SCN3B: variants seen among roughly 807,000 people sequenced by gnomAD.
The protein encoded by SCN3B is sodium channel regulatory subunit beta-3.
A neutral mutation model predicts 25.4 loss-of-function variants in SCN3B; 11 were observed. The ratio of observed to expected loss-of-function variants is 0.43; its 90% CI spans 0.27 to 0.72. The LOEUF (loss-of-function observed/expected upper bound fraction) is 0.72. Among genes scored for constraint, SCN3B ranks in the 30% least tolerant of loss-of-function variants. SCN3B has a pLI of 0.18. For missense variants in SCN3B, 218 were observed against 278.3 expected (o/e 0.78, Z 1.54); for synonymous variants, 109 against 110.7 (o/e 0.99, Z 0.09).
At chr11:123,650,521 G>C (rs1190742662) in intron 2 of SCN3B, among the ~76,000 whole-genome samples, 1 of 152,188 alleles carries the variant, frequency 6.6e-6, no homozygotes, top group South Asian at 2.1e-4. Flanking sequence ...ACCAGGGGAA[G>C]AGAGGAAAAC....
chr11:123,640,006 T>C (rs1176691210), intron 4 of SCN3B: 2 of 152,220 alleles, frequency 1.3e-5, no homozygotes, highest in Non-Finnish European at 2.9e-5. Flanking sequence ...TGATCTGCAG[T>C]TATCCATTGG....
intron 2 of SCN3B, among the ~76,000 whole-genome samples, chr11:123,653,159 A>AAAAAAG (rs370808674): frequency 1.3e-5 from 2 of 152,080 alleles, no homozygotes; most frequent in African/African-American, 4.8e-5. Context: ...ACCAAAAAAA[A>AAAAAAG]AAGAAGAAGA....
intron 2 of SCN3B, among the ~76,000 whole-genome samples, chr11:123,649,559 C>T (rs1336963832): frequency 6.6e-6 from 1 of 152,320 alleles, no homozygotes; most frequent in East Asian, 1.9e-4. Flanking sequence ...TCTGTTTCTC[C>T]ATCCTTTGAG....
intron 3 of SCN3B, among the ~76,000 whole-genome samples, chr11:123,644,798 AGAATATATATATATATATAT>A (rs1192708340): frequency 2.8e-4 from 10 of 36,284 alleles, no homozygotes; most frequent in African/African-American, 1.0e-3. Flanking sequence ...AGAGAGAGAG[AGAATATATATATATATATAT>A]ATATATATAT....
chr11:123,652,251 G>C (rs542226275), intron 2 of SCN3B, among the ~76,000 whole-genome samples: 2 of 152,320 alleles, frequency 1.3e-5, no homozygotes, highest in African/African-American at 4.8e-5. Context: ...GAAAATTTCA[G>C]CCTTAATCTT....
intron 2 of SCN3B, among the ~76,000 whole-genome samples, 159 bp downstream of exon 2, chr11:123,653,588 C>A (rs1480598809): frequency 6.6e-6 from 1 of 152,116 alleles, no homozygotes. Context: ...ATCTCAAAAT[C>A]CCAGCTCTCA....
At chr11:123,648,172 C>A (rs1219344544) in intron 2 of SCN3B, among the ~76,000 whole-genome samples, 1 of 152,198 alleles carries the variant, frequency 6.6e-6, no homozygotes, top group Non-Finnish European at 1.5e-5. Flanking sequence ...TAAATTCATT[C>A]ATTTCATGTT....
intron 2 of SCN3B, 61 bp from the exon 3 acceptor site, chr11:123,645,811 A>G: frequency 1.3e-6 from 2 of 1,577,744 alleles, no homozygotes; most frequent in South Asian, 2.2e-5. Context: ...GGCACAGGAG[A>G]GAAACATTGG....
chr11:123,643,618 A>G (rs994529888), intron 3 of SCN3B, among the ~76,000 whole-genome samples: 24 of 152,248 alleles, frequency 1.6e-4, no homozygotes, highest in African/African-American at 5.5e-4. Flanking sequence ...CACCATCACA[A>G]ACATTTCTAT....
chr11:123,651,533 T>C (rs1048667741), intron 2 of SCN3B, among the ~76,000 whole-genome samples: 3 of 152,190 alleles, frequency 2.0e-5, no homozygotes, highest in Non-Finnish European at 4.4e-5. Flanking sequence ...CCGACTAATT[T>C]TTGTATTTTT....
chr11:123,642,362 G>T lies in SCN3B; in HGVS notation c.445+84C>A. 7.7e-7 allele frequency: 1 copy of T among 1,296,580 alleles called. No homozygotes were observed. The highest frequency in any genetic ancestry group is 1.1e-6 in the Non-Finnish European group (1 of 894,042). The allele number at this position is 1,296,580 out of a possible 1,614,324, so 80.3% of individuals were successfully genotyped here. On this transcript the variant is annotated intron_variant, in intron 4 of 6. Transcript: ENST00000299333. The surrounding 1 kb of genome is among the most constrained non-coding windows in gnomAD (Gnocchi z 4.3). The stretch of plus-strand genomic sequence containing the variant: ...ACATGGGTTTTTGCACTCTTTAAGG[G>T]CCTCACTCGTGGAAAACTGCTGTCC...
At chr11:123,639,129 C>T (rs925396972) in intron 4 of SCN3B, 7 of 152,574 alleles carry the variant, frequency 4.6e-5, no homozygotes, top group African/African-American at 1.7e-4. Context: ...CGGGCTTTCT[C>T]ACCTCATTTC....
chr11:123,654,172 G>A (rs1161667534), intron 1 of SCN3B, 54 bp downstream of exon 1: 1 of 381,500 alleles, frequency 2.6e-6, no homozygotes, highest in Non-Finnish European at 5.0e-6. Flanking sequence ...GCTCGGAAGG[G>A]AGTCGCACTG....
At chr11:123,637,819 A>G (rs766474042) in intron 5 of SCN3B, among the ~76,000 whole-genome samples, 2 of 152,122 alleles carry the variant, frequency 1.3e-5, no homozygotes, top group Non-Finnish European at 2.9e-5. Context: ...CGTGACAGCC[A>G]TCATGCCCAG....
At chr11:123,649,103 C>T (rs185977598) in intron 2 of SCN3B, among the ~76,000 whole-genome samples, 210 of 152,210 alleles carry the variant, frequency 1.4e-3, no homozygotes, top group African/African-American at 3.9e-3. Context: ...GATTGGAAGA[C>T]GATTTTGTTT....
Position 123,642,465 on chromosome 11 carries a change from G to C in SCN3B, c.426C>G (p.Pro142=). The C allele has an allele frequency of 6.2e-7, 1 of 1,614,162 alleles. No individual in the cohort carries two copies. Among genetic ancestry groups the C allele is most frequent in the Non-Finnish European group, 8.5e-7 (1 of 1,180,044 alleles). Residue 142 remains proline, a synonymous_variant, in exon 4 of 7, where the codon CCC becomes CCG. Transcript: ENST00000299333. The surrounding 1 kb of genome is among the most constrained non-coding windows in gnomAD (Gnocchi z 4.3). ...CCTCACCCTCCTCGGTGACTCTTAG[G>C]GGGATCAGCCGCGTCGTCTTCACAA... ...RPFVKTTRLI[P]LRVTEEAGED...
rs1332980991 is a variant in SCN3B at position 123,632,462 on chromosome 11, C to T, written c.*1337G>A. ...GTCCGTGCTTGTGAAAGAAGCATTG[C>T]CATAGACAAGTTCAATGTCAGTCTT... On this transcript the variant is annotated 3_prime_UTR_variant, in exon 7 of 7. Transcript: ENST00000299333. 2.0e-5 allele frequency: 3 copies of T among 152,148 alleles called. No individual in the cohort carries two copies. The highest frequency in any genetic ancestry group is 4.8e-5 in the African/African-American group (2 of 41,426). The allele number at this position is 152,148 out of a possible 1,614,324, so 9.4% of individuals were successfully genotyped here.
intron 6 of SCN3B, 164 bp downstream of exon 6, chr11:123,633,957 A>T (rs1263145201): frequency 6.3e-6 from 4 of 630,676 alleles, no homozygotes; most frequent in African/African-American, 1.8e-5. Flanking sequence ...GACATCATAC[A>T]GAGCTTTCTG....
intron 4 of SCN3B, chr11:123,639,624 T>C (rs1312858313): frequency 6.6e-6 from 1 of 152,284 alleles, no homozygotes; most frequent in Non-Finnish European, 1.5e-5. Flanking sequence ...GTGATCCTCC[T>C]GCCCTGGCCT....
Sources: allele counts gnomAD v4.1 joint callset (sites outside exome capture counted in the v4.1 genomes callset), GRCh38; gene constraint gnomAD v4.1.1; non-coding constraint Gnocchi (gnomAD v3.1); transcripts MANE v1.5; gene names NCBI Gene and HGNC (gene_info 2026-07-23, HGNC 2026-07-21).